The following GNB1 variants were observed in gnomAD, a reference collection of about 807,000 sequenced individuals.
GNB1 encodes guanine nucleotide-binding protein G(I)/G(S)/G(T) subunit beta-1.
GNB1 carries 2 observed loss-of-function variants against 42.9 expected under a neutral mutation model. That is an observed-to-expected ratio of 0.05 (90% CI 0.02 to 0.15). The LOEUF (loss-of-function observed/expected upper bound fraction) is 0.15, where lower values mean the gene tolerates loss of function less well. Ranked by LOEUF, GNB1 falls within the 10% of genes least tolerant of loss-of-function variation. The pLI, the probability that GNB1 is intolerant of heterozygous loss-of-function variation, is 1.00. For synonymous variants in GNB1, 183 were observed against 174.7 expected (o/e 1.05, Z -0.38); for missense variants, 193 against 462.2 (o/e 0.42, Z 5.34).
chr1:1,886,269 G>C (rs143937836), intron 1 of GNB1, among the ~76,000 whole-genome samples: 59 of 152,270 alleles, frequency 3.9e-4, no homozygotes, highest in African/African-American at 1.4e-3. Flanking sequence ...AGTGAGCCGA[G>C]ATTGCGCCAC....
Position 1,874,345 on chromosome 1 carries a change from G to A in GNB1, c.-96+16475C>T, listed in dbSNP as rs531161249. On this transcript the variant is annotated intron_variant, in intron 1 of 11. Coordinates refer to ENST00000378609, the MANE Select transcript of GNB1 (RefSeq NM_002074.5). ...TTAGGCCGGGCGTGGTGGCTCACGC[G>A]TGTCTGTAATCCTAGCACTTTGGGA... 3.9e-5 allele frequency among the ~76,000 whole-genome samples: 6 copies of A among 151,986 alleles called. No homozygotes were observed. In the South Asian group the frequency reaches 1.0e-3, roughly 26 times the overall value.
At chr1:1,819,294 T>G (rs968867106) in intron 3 of GNB1, among the ~76,000 whole-genome samples, 3 of 151,772 alleles carry the variant, frequency 2.0e-5, no homozygotes, top group Non-Finnish European at 2.9e-5. Context: ...CGATCTCAGC[T>G]CACCGCAGCC....
chr1:1,814,458 C>T (rs1435758145), intron 5 of GNB1, among the ~76,000 whole-genome samples: 5 of 151,930 alleles, frequency 3.3e-5, no homozygotes, highest in South Asian at 2.1e-4. Flanking sequence ...TGTGGGGTCA[C>T]GGAAGGGAGA....
chr1:1,881,755 AC>A (rs1649859160), intron 1 of GNB1, among the ~76,000 whole-genome samples: 1 of 151,752 alleles, frequency 6.6e-6, no homozygotes, highest in Non-Finnish European at 1.5e-5. Flanking sequence ...AGGTCTAACC[AC>A]TCTCCTAGCC....
At chr1:1,883,922 T>C (rs999647975) in intron 1 of GNB1, among the ~76,000 whole-genome samples, 24 of 152,160 alleles carry the variant, frequency 1.6e-4, no homozygotes, top group African/African-American at 5.3e-4. Context: ...CTGAAACCTA[T>C]TGTAGACTCT....
chr1:1,886,031 G>A (rs989327530), intron 1 of GNB1, among the ~76,000 whole-genome samples: 31 of 150,560 alleles, frequency 2.1e-4, no homozygotes, highest in Non-Finnish European at 2.7e-4. Context: ...CAGCATTCCG[G>A]CAGGGCACGG....
intron 1 of GNB1, among the ~76,000 whole-genome samples, chr1:1,876,513 G>GAGAGAGAC (rs991352497): frequency 1.3e-5 from 2 of 150,276 alleles, no homozygotes; most frequent in African/African-American, 4.9e-5. Context: ...GAGAGAGAGA[G>GAGAGAGAC]AGCGAGCGTG....
At chr1:1,801,932 G>C (rs1646631872) in intron 7 of GNB1, among the ~76,000 whole-genome samples, 1 of 152,156 alleles carries the variant, frequency 6.6e-6, no homozygotes, top group African/African-American at 2.4e-5. Context: ...ATTAGTATCA[G>C]AAAAAGCAGC....
At chr1:1,815,978 C>A (rs1646849546) in intron 4 of GNB1, 116 bp from the exon 5 acceptor site, 3 of 681,276 alleles carry the variant, frequency 4.4e-6, no homozygotes, top group Non-Finnish European at 8.0e-6. Context: ...CCCAGCCCTT[C>A]CCACAGTTCT....
chr1:1,817,638 GAGAT>G (rs1213605834), intron 4 of GNB1, 195 bp downstream of exon 4: 2 of 478,492 alleles, frequency 4.2e-6, no homozygotes, highest in East Asian at 6.1e-5. Flanking sequence ...TTCAAGGCTT[GAGAT>G]ATCTCATTTT....
intron 6 of GNB1, among the ~76,000 whole-genome samples, chr1:1,805,966 T>C (rs957675620): frequency 1.4e-4 from 22 of 152,242 alleles, no homozygotes; most frequent in African/African-American, 5.1e-4. Flanking sequence ...TAGTATTCTT[T>C]AGTAAAATAA....
chr1:1,875,010 G>A (rs1050867605), intron 1 of GNB1, among the ~76,000 whole-genome samples: 12 of 152,210 alleles, frequency 7.9e-5, no homozygotes, highest in South Asian at 2.1e-4. Context: ...CATCCCTCGC[G>A]TGTGCAGTTC....
At chr1:1,804,395 A>T in intron 7 of GNB1, 24 bp downstream of exon 7, 2 of 1,585,500 alleles carry the variant, frequency 1.3e-6, no homozygotes, top group East Asian at 4.5e-5. Context: ...GTGTCACTTG[A>T]AGCTTATGAA....
chr1:1,842,635 A>G (rs1647291429), intron 1 of GNB1, among the ~76,000 whole-genome samples: 2 of 152,190 alleles, frequency 1.3e-5, no homozygotes, highest in Admixed American at 1.3e-4. Flanking sequence ...GTGCATGCAC[A>G]TGTGTGTGCA....
chr1:1,880,395 T>TC (rs1321178385), intron 1 of GNB1, among the ~76,000 whole-genome samples: 3 of 151,692 alleles, frequency 2.0e-5, no homozygotes, highest in Non-Finnish European at 4.4e-5. Flanking sequence ...GGTCAGGAGA[T>TC]CGAGACCACG....
intron 1 of GNB1, among the ~76,000 whole-genome samples, chr1:1,864,613 C>A (rs1648821938): frequency 6.6e-6 from 1 of 152,088 alleles, no homozygotes; most frequent in South Asian, 2.1e-4. Flanking sequence ...TTCCTGCACC[C>A]CAGGAAGTAC....
intron 1 of GNB1, among the ~76,000 whole-genome samples, chr1:1,878,475 G>T (rs1190771599): frequency 6.6e-6 from 1 of 152,114 alleles, no homozygotes; most frequent in Non-Finnish European, 1.5e-5. Context: ...TCTTTTCCCA[G>T]ATGTCTGTCT....
Position 1,887,008 on chromosome 1 carries a change from C to T in GNB1, c.-96+3812G>A, listed in dbSNP as rs757828527. Among the ~76,000 whole-genome samples the T allele has an allele frequency of 1.9e-4, 29 of 152,152 alleles. 1 individual carries two copies. The highest frequency in any genetic ancestry group is 3.5e-4 in the Non-Finnish European group (24 of 68,032). ...GATTACAGGTGTGAGCCACCACGCC[C>T]GGTCAAACCAGTTTAAAATTTTATA... On this transcript the variant is annotated intron_variant, in intron 1 of 11. Coordinates refer to ENST00000378609, the MANE Select transcript of GNB1 (RefSeq NM_002074.5).
chr1:1,836,679 T>C (rs925696423), intron 2 of GNB1, among the ~76,000 whole-genome samples: 2 of 152,068 alleles, frequency 1.3e-5, no homozygotes, highest in Non-Finnish European at 2.9e-5. Context: ...GTCTCCCAAA[T>C]GGCCGGGATT....
Sources: allele counts gnomAD v4.1 joint callset (sites outside exome capture counted in the v4.1 genomes callset), GRCh38; gene constraint gnomAD v4.1.1; transcripts MANE v1.5; gene names NCBI Gene and HGNC (gene_info 2026-07-23, HGNC 2026-07-21).